CDC27: variants seen among roughly 807,000 people sequenced by gnomAD.
CDC27 encodes cell division cycle protein 27 homolog.
Under a neutral mutation model 109.7 loss-of-function variants are expected in CDC27, and 27 were observed. The observed-to-expected ratio is 0.25, with a 90% CI of 0.18 to 0.34. The LOEUF (loss-of-function observed/expected upper bound fraction) is 0.34, where lower values mean the gene tolerates loss of function less well. CDC27 is among the 10% of genes least tolerant of loss of function. The probability of loss-of-function intolerance (pLI) is 1.00; values close to 1 mark genes in which losing one functional copy is unlikely to be tolerated. For missense variants in CDC27, 579 were observed against 960.2 expected (o/e 0.60, Z 5.25); for synonymous variants, 266 against 333.9 (o/e 0.80, Z 2.22).
rs545495064 is a variant in CDC27 at position 47,129,832 on chromosome 17, T to C, written c.2032-311A>G. On this transcript the variant is annotated intron_variant, in intron 15 of 18. Transcript: ENST00000066544. ...GGTACATACCTATGATGATAATCAA[T>C]AGTCTATCTTTAGAGCAGATATTTG... Among the ~76,000 whole-genome samples, 6 of 152,340 alleles carry C rather than the reference T, an allele frequency of 3.9e-5. No individual in the cohort carries two copies. In the East Asian group the frequency reaches 1.2e-3, roughly 29 times the overall value.
intron 10 of CDC27, among the ~76,000 whole-genome samples, chr17:47,143,169 G>A (rs1475747770): frequency 6.6e-6 from 1 of 151,242 alleles, no homozygotes; most frequent in Non-Finnish European, 1.5e-5. Context: ...TTGCTATGTT[G>A]ACCAGGCTGG....
At chr17:47,121,929 G>C (rs11570573) in intron 18 of CDC27, among the ~76,000 whole-genome samples, 1 of 151,816 alleles carries the variant, frequency 6.6e-6, no homozygotes, top group Admixed American at 6.6e-5. Context: ...TAGTAGAGAC[G>C]AGGTTTCACC....
At chr17:47,158,757 T>C (rs2063397530) in intron 4 of CDC27, among the ~76,000 whole-genome samples, 1 of 152,112 alleles carries the variant, frequency 6.6e-6, no homozygotes, top group Admixed American at 6.5e-5. Context: ...CAGCTGAGAC[T>C]ATAGGTGCGC....
At position 47,142,040 on chromosome 17, in the gene CDC27, C is replaced by A. The variant is rs150409033; in HGVS notation, c.1379-15G>T. ...CATCAAACCTTCTAGGAGAAAACAA[C>A]ATAGTAAACAAAGGAAAAAACGCAA... On this transcript the variant is annotated splice_polypyrimidine_tract_variant and intron_variant, in intron 11 of 18. Coordinates refer to ENST00000066544, the MANE Select transcript of CDC27 (RefSeq NM_001256.6). 1.9e-6 allele frequency: 3 copies of A among 1,550,382 alleles called. No homozygotes were observed. In the East Asian group the frequency reaches 6.8e-5, roughly 35 times the overall value.
chr17:47,171,670 A>AAGAAACC (rs200397153), intron 3 of CDC27, among the ~76,000 whole-genome samples: 9,295 of 152,290 alleles, frequency 0.061, 308 homozygotes, highest in Middle Eastern at 0.11. Context: ...GTGATCATTT[A>AAGAAACC]AGAAACCAAT....
At chr17:47,184,141 G>A (rs1269215815) in intron 1 of CDC27, among the ~76,000 whole-genome samples, 2 of 152,200 alleles carry the variant, frequency 1.3e-5, no homozygotes, top group Non-Finnish European at 2.9e-5. Context: ...AGCACTTCCA[G>A]TAGTGGGACT....
At chr17:47,130,054 G>A (rs1418777300) in intron 15 of CDC27, among the ~76,000 whole-genome samples, 1 of 151,930 alleles carries the variant, frequency 6.6e-6, no homozygotes, top group African/African-American at 2.4e-5. Context: ...AATATTTTAG[G>A]AATTTATTTG....
chr17:47,131,000 A>G (rs1261826874), intron 15 of CDC27, among the ~76,000 whole-genome samples: 2 of 152,110 alleles, frequency 1.3e-5, no homozygotes. Context: ...TCTGCTTGCT[A>G]AACTCATCTA....
Position 47,177,472 on chromosome 17 carries a change from G to A in CDC27, c.103+4090C>T, listed in dbSNP as rs541138624. 3.9e-5 allele frequency among the ~76,000 whole-genome samples: 6 copies of A among 152,304 alleles called. No homozygotes were observed. In the South Asian group the frequency reaches 1.2e-3, roughly 32 times the overall value. On this transcript the variant is annotated intron_variant, in intron 2 of 18. Transcript: ENST00000066544. ...GGCGCTTATAATCCCAGCTACTCAGGAGGCTGATGCAGGAGAATTGCCTGA... is the reference window on the plus strand; with the variant it reads ...GGCGCTTATAATCCCAGCTACTCAGAAGGCTGATGCAGGAGAATTGCCTGA...
chr17:47,118,015 C>A lies in CDC27; in HGVS notation c.*2920G>T, dbSNP rs2061912506. ...AAAGACTTTCCCCCTCAACACTGTA[C>A]AATTTCTGAAATAAGTCAGTTAAAG... is the stretch of plus-strand genomic sequence containing the variant. On this transcript the variant is annotated 3_prime_UTR_variant, in exon 19 of 19. Coordinates refer to ENST00000066544, the MANE Select transcript of CDC27 (RefSeq NM_001256.6). 1 of 152,274 alleles carries A rather than the reference C, an allele frequency of 6.6e-6. No individual in the cohort carries two copies. Among genetic ancestry groups the A allele is most frequent in the South Asian group, 2.1e-4 (1 of 4,828 alleles). The allele number at this position is 152,274 out of a possible 1,614,324, so 9.4% of individuals were successfully genotyped here. A position where few individuals can be genotyped will look rare whatever the true frequency, so the allele number is the denominator to read the frequency against.
At chr17:47,178,614 T>C (rs936049866) in intron 2 of CDC27, among the ~76,000 whole-genome samples, 1 of 151,300 alleles carries the variant, frequency 6.6e-6, no homozygotes, top group Non-Finnish European at 1.5e-5. Context: ...AGAGGGAACC[T>C]GTAAAGGACT....
At chr17:47,138,955 A>C in intron 12 of CDC27, 64 bp from the exon 13 acceptor site, 1 of 1,091,220 alleles carries the variant, frequency 9.2e-7, no homozygotes, top group Non-Finnish European at 1.3e-6. Flanking sequence ...ACACAGGGAA[A>C]GCCCTGGTCA....
chr17:47,155,161 A>ACT, intron 7 of CDC27, among the ~76,000 whole-genome samples: 1 of 151,962 alleles, frequency 6.6e-6, no homozygotes, highest in African/African-American at 2.4e-5. Context: ...GATAACTATA[A>ACT]CTCTCCAGAG....
intron 1 of CDC27, chr17:47,188,794 T>C: frequency 8.5e-7 from 1 of 1,174,872 alleles, no homozygotes; most frequent in Non-Finnish European, 1.1e-6. Context: ...CTCGATCATC[T>C]TTTAGGCAAG....
intron 14 of CDC27, among the ~76,000 whole-genome samples, chr17:47,133,220 C>G (rs2062449295): frequency 6.8e-6 from 1 of 147,800 alleles, no homozygotes; most frequent in Non-Finnish European, 1.5e-5. Context: ...CTCACCACAA[C>G]CTCCACCCAC....
intron 2 of CDC27, among the ~76,000 whole-genome samples, chr17:47,179,246 T>C (rs925360356): frequency 6.6e-6 from 1 of 152,252 alleles, no homozygotes; most frequent in South Asian, 2.1e-4. Context: ...TTGTTGGATG[T>C]CTTTCTCCAA....
intron 18 of CDC27, 126 bp downstream of exon 18, chr17:47,122,318 T>C: frequency 1.7e-6 from 1 of 577,410 alleles, no homozygotes; most frequent in East Asian, 2.9e-5. Flanking sequence ...CTGTTCAATT[T>C]CCCTAAAAGT....
chr17:47,123,026 A>T (rs757884277), intron 17 of CDC27, among the ~76,000 whole-genome samples: 1 of 152,162 alleles, frequency 6.6e-6, no homozygotes, highest in Non-Finnish European at 1.5e-5. Context: ...CTCTAAACTC[A>T]TTCTAAGGGT....
At chr17:47,165,257 T>A (rs2063609525) in intron 4 of CDC27, among the ~76,000 whole-genome samples, 1 of 152,224 alleles carries the variant, frequency 6.6e-6, no homozygotes, top group African/African-American at 2.4e-5. Context: ...CTTTTATGAA[T>A]AAAGTTGCTA....
Sources: allele counts gnomAD v4.1 joint callset (sites outside exome capture counted in the v4.1 genomes callset), GRCh38; gene constraint gnomAD v4.1.1; transcripts MANE v1.5; gene names NCBI Gene and HGNC (gene_info 2026-07-23, HGNC 2026-07-21).